The following BMPER variants were observed in gnomAD, a reference collection of about 807,000 sequenced individuals.
The protein encoded by BMPER is BMP-binding endothelial regulator protein.
In BMPER, 45 loss-of-function variants were observed where a neutral mutation model predicts 87.3. That is an observed-to-expected ratio of 0.52 (90% CI 0.41 to 0.66). The LOEUF (loss-of-function observed/expected upper bound fraction) is 0.66, where lower values mean the gene tolerates loss of function less well. Ranked by LOEUF, BMPER falls within the 30% of genes least tolerant of loss-of-function variation. The pLI, the probability that BMPER is intolerant of heterozygous loss-of-function variation, is 0.00. For missense variants in BMPER, 784 were observed against 867.5 expected (o/e 0.90, Z 1.21); for synonymous variants, 326 against 316.2 (o/e 1.03, Z -0.33).
upstream of BMPER, chr7:33,905,270 A>C: frequency 2.6e-6 from 1 of 386,850 alleles, no homozygotes; most frequent in East Asian, 6.2e-5. Context: ...CTCTCAGTCT[A>C]TCTCCGGCTG....
intron 6 of BMPER, among the ~76,000 whole-genome samples, chr7:33,994,305 C>T (rs1158272554): frequency 2.0e-5 from 3 of 152,172 alleles, no homozygotes; most frequent in Non-Finnish European, 2.9e-5. Flanking sequence ...GAGCCAGGTG[C>T]GGGATATAAT....
At chr7:33,932,514 A>G (rs1043504938) in intron 2 of BMPER, among the ~76,000 whole-genome samples, 1 of 152,224 alleles carries the variant, frequency 6.6e-6, no homozygotes, top group African/African-American at 2.4e-5. Context: ...TAATGCCATC[A>G]TCTAGGGGAA....
chr7:34,028,601 G>GTTTTTTTTTTTCTTTTT (rs1787427763), intron 6 of BMPER, among the ~76,000 whole-genome samples: 1 of 36,056 alleles, frequency 2.8e-5, no homozygotes, highest in African/African-American at 8.8e-5. Flanking sequence ...CATTTTTTCT[G>GTTTTTTTTTTTCTTTTT]TTTTTTTTTT....
At chr7:34,046,244 G>T in intron 6 of BMPER, 62 bp from the exon 7 acceptor site, 1 of 1,481,068 alleles carries the variant, frequency 6.8e-7, no homozygotes, top group Non-Finnish European at 9.4e-7. Context: ...TAGATATCTT[G>T]GTTGTACAAT....
At chr7:33,987,872 A>T (rs1425058732) in intron 6 of BMPER, among the ~76,000 whole-genome samples, 1 of 152,184 alleles carries the variant, frequency 6.6e-6, no homozygotes, top group Non-Finnish European at 1.5e-5. Flanking sequence ...GGAAAACTAT[A>T]GTTTATCCAT....
intron 3 of BMPER, among the ~76,000 whole-genome samples, chr7:33,956,025 C>T (rs768391839): frequency 2.0e-5 from 3 of 149,646 alleles, no homozygotes; most frequent in Non-Finnish European, 3.0e-5. Context: ...GACAAACAAA[C>T]AAACAAAAAA....
intron 11 of BMPER, among the ~76,000 whole-genome samples, chr7:34,062,298 G>C (rs1788457066): frequency 6.6e-6 from 1 of 152,166 alleles, no homozygotes; most frequent in South Asian, 2.1e-4. Flanking sequence ...GGTTTGATTA[G>C]GTTTTAAAAA....
At chr7:33,929,547 C>G (rs911329397) in intron 2 of BMPER, among the ~76,000 whole-genome samples, 2 of 152,168 alleles carry the variant, frequency 1.3e-5, no homozygotes, top group Non-Finnish European at 2.9e-5. Flanking sequence ...GGGTGCTCAA[C>G]AAAGGCAAAC....
intron 5 of BMPER, among the ~76,000 whole-genome samples, chr7:33,972,030 G>A (rs1785561526): frequency 6.6e-6 from 1 of 152,062 alleles, no homozygotes; most frequent in African/African-American, 2.4e-5. Context: ...AGCCTCCCGA[G>A]TAGCTGGGAC....
chr7:34,129,594 G>GAGAGAGAGAGAGAA (rs1790501856), intron 13 of BMPER, among the ~76,000 whole-genome samples: 1 of 112,558 alleles, frequency 8.9e-6, no homozygotes, highest in African/African-American at 3.9e-5. Context: ...GAGAGAGAGA[G>GAGAGAGAGAGAGAA]AGAGAGAGAG....
At chr7:34,135,781 C>T (rs1167590045) in intron 13 of BMPER, among the ~76,000 whole-genome samples, 2 of 152,182 alleles carry the variant, frequency 1.3e-5, no homozygotes, top group African/African-American at 2.4e-5. Flanking sequence ...CTCTGTTAGC[C>T]TCTGTACCTT....
At chr7:34,048,570 C>T (rs1405264653) in intron 7 of BMPER, among the ~76,000 whole-genome samples, 2 of 152,112 alleles carry the variant, frequency 1.3e-5, no homozygotes, top group Non-Finnish European at 2.9e-5. Flanking sequence ...AGCAGGAAAG[C>T]CATTGCAAAG....
In BMPER at chr7:34,139,348, C is replaced by T. The variant is rs186152827; in HGVS notation, c.1746-3882C>T. Among the ~76,000 whole-genome samples, 565 of 152,340 alleles carry T rather than the reference C, an allele frequency of 3.7e-3. 2 individuals are homozygous for T. The highest frequency in any genetic ancestry group is 0.013 in the African/African-American group (543 of 41,578). On this transcript the variant is annotated intron_variant, in intron 13 of 14. Coordinates refer to ENST00000649409, the MANE Select transcript of BMPER (RefSeq NM_001365308.1). Reference sequence around the variant, plus strand: ...AGGAACGTTGAATAACTAAGACCTACAAATAGAAGCTCTCATTTACTCCCA... The same window carrying T: ...AGGAACGTTGAATAACTAAGACCTATAAATAGAAGCTCTCATTTACTCCCA...
chr7:33,961,999 A>G (rs573149490), intron 3 of BMPER, among the ~76,000 whole-genome samples: 7 of 152,320 alleles, frequency 4.6e-5, no homozygotes, highest in Non-Finnish European at 7.4e-5. Context: ...TTAAGACTAA[A>G]TAGGAGAAAC....
intron 7 of BMPER, among the ~76,000 whole-genome samples, chr7:34,046,760 G>A (rs1351816508): frequency 6.6e-6 from 1 of 152,092 alleles, no homozygotes; most frequent in Non-Finnish European, 1.5e-5. Flanking sequence ...ACCCATAGAG[G>A]AATATAGACT....
At chr7:34,088,269 C>T (rs1196780433) in intron 13 of BMPER, among the ~76,000 whole-genome samples, 1 of 152,196 alleles carries the variant, frequency 6.6e-6, no homozygotes, top group Non-Finnish European at 1.5e-5. Flanking sequence ...GGCAGAGGAG[C>T]TCAGGAAGGA....
intron 8 of BMPER, 80 bp from the exon 9 acceptor site, chr7:34,055,083 G>A: frequency 6.3e-7 from 1 of 1,583,790 alleles, no homozygotes; most frequent in African/African-American, 1.3e-5. Flanking sequence ...ATAGTTATGA[G>A]TTATGAAAGG....
intron 13 of BMPER, among the ~76,000 whole-genome samples, chr7:34,124,295 C>A (rs746829060): frequency 6.6e-6 from 1 of 152,052 alleles, no homozygotes; most frequent in Non-Finnish European, 1.5e-5. Flanking sequence ...TAATTTTCTT[C>A]CATGTATTAT....
chr7:33,945,226 C>G lies in BMPER; in HGVS notation c.319+7838C>G, dbSNP rs564372627. Among the ~76,000 whole-genome samples, 42 of 149,852 alleles carry G rather than the reference C, an allele frequency of 2.8e-4. No individual in the cohort carries two copies. In the South Asian group the frequency reaches 7.4e-3, roughly 27 times the overall value. The stretch of plus-strand genomic sequence containing the variant: ...AAAGTGCTGGGATTACAGGCCTGAG[C>G]CACCGCGCCTGGACTTCTTTTTTTT... On this transcript the variant is annotated intron_variant, in intron 3 of 14. Coordinates refer to ENST00000649409, the MANE Select transcript of BMPER (RefSeq NM_001365308.1).
Sources: gnomAD v4.1 joint callset for allele counts (sites outside exome capture counted in the v4.1 genomes callset) on GRCh38, gnomAD v4.1.1 for gene constraint, MANE v1.5 for transcripts, NCBI Gene and HGNC (gene_info 2026-07-23, HGNC 2026-07-21) for gene names.